CACNB4: variants seen among roughly 807,000 people sequenced by gnomAD.
The protein encoded by CACNB4 is voltage-dependent L-type calcium channel subunit beta-4.
Under a neutral mutation model 71.2 loss-of-function variants are expected in CACNB4, and 32 were observed. The observed-to-expected ratio is 0.45, with a 90% CI of 0.34 to 0.60. The LOEUF (loss-of-function observed/expected upper bound fraction) is 0.60. CACNB4 is among the 20% of genes least tolerant of loss of function. The pLI is 0.01. For missense variants in CACNB4, 464 were observed against 647.9 expected (o/e 0.72, Z 3.08); for synonymous variants, 231 against 236.9 (o/e 0.97, Z 0.23).
intron 2 of CACNB4, chr2:151,972,230 T>A (rs1304019300): frequency 1.3e-5 from 2 of 152,444 alleles, no homozygotes; most frequent in Non-Finnish European, 2.9e-5. Flanking sequence ...CTAAAATGAC[T>A]CCAGTCCACT....
intron 2 of CACNB4, among the ~76,000 whole-genome samples, chr2:152,077,639 G>A (rs897537212): frequency 1.2e-4 from 19 of 152,176 alleles, no homozygotes; most frequent in Admixed American, 3.3e-4. Context: ...CTGGAGGCAG[G>A]AGAAACGCCT....
At chr2:151,956,550 T>C (rs2099868306) in intron 2 of CACNB4, among the ~76,000 whole-genome samples, 1 of 152,186 alleles carries the variant, frequency 6.6e-6, no homozygotes, top group Admixed American at 6.5e-5. Flanking sequence ...TGGCTGCTAA[T>C]AGGTATGAGT....
At chr2:151,953,907 C>T (rs910919088) in intron 2 of CACNB4, among the ~76,000 whole-genome samples, 2 of 152,232 alleles carry the variant, frequency 1.3e-5, no homozygotes, top group Non-Finnish European at 2.9e-5. Context: ...ACATGAAGGC[C>T]ATCAATAGAT....
rs3068791 is a variant in CACNB4 at position 151,878,204 on chromosome 2, GTA to G, written c.391-1650_391-1649del. On this transcript the variant is annotated intron_variant, in intron 4 of 13. Transcript: ENST00000539935. The stretch of plus-strand genomic sequence containing the variant: ...GAAATTTATATATATGTCTGTGTGT[GTA>G]TATATATATATATGATTCTGATACA... Among the ~76,000 whole-genome samples the G allele has an allele frequency of 1.6e-3, 235 of 149,678 alleles. 1 individual carries two copies. Among genetic ancestry groups the G allele is most frequent in the African/African-American group, 4.8e-3 (197 of 40,986 alleles).
At chr2:151,839,508 G>T in intron 13 of CACNB4, 129 bp from the exon 14 acceptor site, 1 of 703,462 alleles carries the variant, frequency 1.4e-6, no homozygotes, top group Non-Finnish European at 2.4e-6. Flanking sequence ...GCATCCTGAT[G>T]CACCAATGAT....
chr2:151,894,722 A>AGG (rs2099851571), intron 2 of CACNB4, among the ~76,000 whole-genome samples: 3 of 152,246 alleles, frequency 2.0e-5, no homozygotes, highest in Non-Finnish European at 4.4e-5. Context: ...TGCAGGATAC[A>AGG]AAATAAACAT....
At chr2:151,875,918 G>A (rs542081292) in intron 5 of CACNB4, among the ~76,000 whole-genome samples, 29 of 130,074 alleles carry the variant, frequency 2.2e-4, no homozygotes, top group Non-Finnish European at 3.4e-4. Context: ...CAGTAGGGGC[G>A]GCCGGGCAGA....
chr2:152,054,739 C>G (rs1685637852), intron 2 of CACNB4, among the ~76,000 whole-genome samples: 1 of 152,152 alleles, frequency 6.6e-6, no homozygotes, highest in Admixed American at 6.5e-5. Context: ...CAAAAATTAT[C>G]TGTCTTTTTT....
Position 151,880,966 on chromosome 2 carries a change from G to A in CACNB4, c.268-44C>T. The A allele has an allele frequency of 2.6e-6, 4 of 1,545,778 alleles. 1 individual carries two copies. The highest frequency in any genetic ancestry group is 8.7e-7 in the Non-Finnish European group (1 of 1,145,704). On this transcript the variant is annotated intron_variant, in intron 3 of 13. Transcript: ENST00000539935. Reference sequence around the variant, plus strand: ...AATAAGGAATGAGGAAGGGAGGAGAGAGGAGCATTTTTCATATTGAAACTC... The same window carrying A: ...AATAAGGAATGAGGAAGGGAGGAGAAAGGAGCATTTTTCATATTGAAACTC...
intron 2 of CACNB4, among the ~76,000 whole-genome samples, chr2:151,886,289 G>A (rs933895855): frequency 4.6e-5 from 7 of 152,154 alleles, no homozygotes; most frequent in African/African-American, 1.7e-4. Context: ...GCCTGGTTTT[G>A]AAAACATGTC....
intron 2 of CACNB4, among the ~76,000 whole-genome samples, chr2:151,921,500 A>G (rs2099859012): frequency 6.6e-6 from 1 of 152,220 alleles, no homozygotes; most frequent in African/African-American, 2.4e-5. Context: ...GGATGTCAGA[A>G]GTCCAAAATG....
chr2:152,047,136 A>G (rs1176949834), intron 2 of CACNB4, among the ~76,000 whole-genome samples: 1 of 152,220 alleles, frequency 6.6e-6, no homozygotes, highest in African/African-American at 2.4e-5. Context: ...TAGCGTAACA[A>G]TAGTCACCCA....
intron 2 of CACNB4, among the ~76,000 whole-genome samples, chr2:152,014,109 G>A (rs1683210520): frequency 2.0e-5 from 3 of 152,216 alleles, no homozygotes; most frequent in East Asian, 1.9e-4. Context: ...TTGGGAGACC[G>A]AGGCAGGAGG....
intron 2 of CACNB4, among the ~76,000 whole-genome samples, chr2:152,043,497 AT>A (rs1684980674): frequency 3.3e-5 from 5 of 152,034 alleles, no homozygotes; most frequent in African/African-American, 9.7e-5. Context: ...AATTTTTAAA[AT>A]TTTTTGTAGA....
chr2:152,029,925 TG>T, intron 2 of CACNB4, among the ~76,000 whole-genome samples: 1 of 152,344 alleles, frequency 6.6e-6, no homozygotes, highest in East Asian at 1.9e-4. Context: ...AAATTCCTGT[TG>T]TTTAAGCCAC....
chr2:152,034,337 A>G (rs1408574066), intron 2 of CACNB4, among the ~76,000 whole-genome samples: 1 of 152,212 alleles, frequency 6.6e-6, no homozygotes, highest in Non-Finnish European at 1.5e-5. Flanking sequence ...TGCAGGTGGC[A>G]GTACCTAGTG....
rs927556932 is a variant in CACNB4 at position 151,835,899 on chromosome 2, T to G, written c.*3220A>C. 6.6e-6 allele frequency: 1 copy of G among 151,912 alleles called. No homozygotes were observed. Among genetic ancestry groups the G allele is most frequent in the African/African-American group, 2.4e-5 (1 of 41,454 alleles). 9.4% of individuals were successfully genotyped at this position (151,912 alleles called of 1,614,324 possible). On this transcript the variant is annotated 3_prime_UTR_variant, in exon 14 of 14. Transcript: ENST00000539935. ...ATTTGTTTTACATTAATAAAATTCATTTCATTAAAGACTAACTGCAATGAC... is the reference window on the plus strand; with the variant it reads ...ATTTGTTTTACATTAATAAAATTCAGTTCATTAAAGACTAACTGCAATGAC...
In CACNB4 at chr2:151,924,299, T is replaced by C. The variant is rs372969337; in HGVS notation, c.148-40929A>G. Among the ~76,000 whole-genome samples the C allele has an allele frequency of 1.0e-3, 153 of 151,692 alleles. 1 individual carries two copies. The highest frequency in any genetic ancestry group is 6.8e-3 in the Middle Eastern group (2 of 294). ...TTCACCGTGTTAGCCAGGATGGTCTTGATCTCCTGACCTCGTGATCTGCCC... is the reference window on the plus strand; with the variant it reads ...TTCACCGTGTTAGCCAGGATGGTCTCGATCTCCTGACCTCGTGATCTGCCC... On this transcript the variant is annotated intron_variant, in intron 2 of 13. Coordinates refer to ENST00000539935, the MANE Select transcript of CACNB4 (RefSeq NM_000726.5).
intron 2 of CACNB4, among the ~76,000 whole-genome samples, chr2:151,978,948 GT>G (rs1368956192): frequency 1.3e-5 from 2 of 151,998 alleles, no homozygotes; most frequent in Non-Finnish European, 2.9e-5. Context: ...CCTCCACCTA[GT>G]GACAGCACCC....
Sources: allele counts gnomAD v4.1 joint callset (sites outside exome capture counted in the v4.1 genomes callset), GRCh38; gene constraint gnomAD v4.1.1; transcripts MANE v1.5; gene names NCBI Gene and HGNC (gene_info 2026-07-23, HGNC 2026-07-21).